ARHGAP15: variants seen among roughly 807,000 people sequenced by gnomAD.
ARHGAP15 encodes Rho GTPase activating protein 15, also known as rho GTPase-activating protein 15.
A neutral mutation model predicts 63.7 loss-of-function variants in ARHGAP15; 51 were observed. That is an observed-to-expected ratio of 0.80 (90% CI 0.64 to 1.01). The LOEUF (loss-of-function observed/expected upper bound fraction) is 1.01. ARHGAP15 is among the 50% of genes least tolerant of loss of function. ARHGAP15 has a pLI of 0.00. For missense variants in ARHGAP15, 560 were observed against 564.6 expected, an observed-to-expected ratio of 0.99 and a Z score of 0.08; for synonymous variants, 191 against 193.8, an observed-to-expected ratio of 0.99 and a Z score of 0.12.
Position 143,761,347 on chromosome 2 carries a change from C to T in ARHGAP15, c.1245-6642C>T, listed in dbSNP as rs1712956. On this transcript the variant is annotated intron_variant, in intron 13 of 13. Coordinates refer to ENST00000295095, the MANE Select transcript of ARHGAP15 (RefSeq NM_018460.4). ...ATTTACCACCACACTCTCCTTACTCCGTAAAACTATCCTAAAGTTATGTGT... is the reference window on the plus strand; with the variant it reads ...ATTTACCACCACACTCTCCTTACTCTGTAAAACTATCCTAAAGTTATGTGT... Among the ~76,000 whole-genome samples the T allele has an allele frequency of 7.1e-3, 1,087 of 152,302 alleles. 6 individuals are homozygous for T. Among genetic ancestry groups the T allele is most frequent in the Middle Eastern group, 0.02 (6 of 294 alleles).
intron 10 of ARHGAP15, among the ~76,000 whole-genome samples, chr2:143,542,475 G>T (rs995078188): frequency 6.6e-6 from 1 of 151,776 alleles, no homozygotes; most frequent in Non-Finnish European, 1.5e-5. Flanking sequence ...CACTCACACT[G>T]GTAGCTGTAG....
chr2:143,353,884 C>T (rs10496948), intron 6 of ARHGAP15, among the ~76,000 whole-genome samples: 9,531 of 152,138 alleles, frequency 0.063, 415 homozygotes, highest in Non-Finnish European at 0.094. Context: ...AAAAATGCTA[C>T]GGTAACAAAT....
intron 6 of ARHGAP15, among the ~76,000 whole-genome samples, chr2:143,365,529 C>T (rs947040671): frequency 2.0e-5 from 3 of 152,096 alleles, no homozygotes; most frequent in African/African-American, 7.2e-5. Flanking sequence ...TTTAAGCACT[C>T]GAAAATGTGC....
intron 12 of ARHGAP15, among the ~76,000 whole-genome samples, chr2:143,674,040 T>C (rs1440029775): frequency 1.3e-4 from 19 of 151,916 alleles, no homozygotes; most frequent in Admixed American, 2.0e-4. Context: ...CTCTTGTACA[T>C]TGCTGATGAG....
chr2:143,308,522 C>T (rs1042021101), intron 6 of ARHGAP15, among the ~76,000 whole-genome samples: 2 of 151,728 alleles, frequency 1.3e-5, no homozygotes, highest in African/African-American at 2.4e-5. Context: ...CAATACACTA[C>T]ACAGTGCCTA....
chr2:143,136,306 A>G (rs1186267425), intron 1 of ARHGAP15, among the ~76,000 whole-genome samples: 2 of 150,300 alleles, frequency 1.3e-5, no homozygotes, highest in African/African-American at 4.9e-5. Flanking sequence ...TTTTTTTTTC[A>G]GTCTAATACT....
intron 12 of ARHGAP15, among the ~76,000 whole-genome samples, chr2:143,686,329 A>G (rs1235163198): frequency 1.5e-5 from 2 of 135,226 alleles, no homozygotes; most frequent in Non-Finnish European, 3.1e-5. Flanking sequence ...GGTTGCAGGG[A>G]ACCAAGATTG....
chr2:143,603,825 G>A (rs1248430135), intron 11 of ARHGAP15, among the ~76,000 whole-genome samples: 1 of 152,124 alleles, frequency 6.6e-6, no homozygotes, highest in Non-Finnish European at 1.5e-5. Context: ...ATCCATATTA[G>A]CAGTTAACTT....
chr2:143,300,726 C>T (rs1010638824), intron 6 of ARHGAP15, among the ~76,000 whole-genome samples: 1 of 152,048 alleles, frequency 6.6e-6, no homozygotes, highest in East Asian at 1.9e-4. Flanking sequence ...CACATCTCAT[C>T]CCCTTACATT....
chr2:143,531,645 A>G (rs557654344), intron 10 of ARHGAP15, among the ~76,000 whole-genome samples: 91 of 152,354 alleles, frequency 6.0e-4, no homozygotes, highest in Non-Finnish European at 1.1e-3. Context: ...AAGGTAAGCC[A>G]GCATATGTTC....
Position 143,216,425 on chromosome 2 carries a change from A to G in ARHGAP15, c.276A>G (p.Ala92=). Residue 92 remains alanine (A), a synonymous_variant, in exon 4 of 14, where the codon GCA becomes GCG. Transcript: ENST00000295095. ...GTTATCTGCAAAAAGCTAAAATTGC[A>G]GATGGAGGAAAGAAACTAAGGTAAT... is the stretch of plus-strand genomic sequence containing the variant. ...KEGYLQKAKI[A]DGGKKLRKNW... The G allele has an allele frequency of 6.2e-7, 1 of 1,609,910 alleles. No homozygotes were observed. Among genetic ancestry groups the G allele is most frequent in the African/African-American group, 1.3e-5 (1 of 74,850 alleles).
At position 143,470,615 on chromosome 2, in the gene ARHGAP15, G is replaced by GTA. The variant is rs992605752; in HGVS notation, c.704-16749_704-16748dup. ...TATATGCATGTGTGTGTATATATGTGTATATATATACATATGTGTGTATAT... is the reference window on the plus strand; with the variant it reads ...TATATGCATGTGTGTGTATATATGTGTATATATATATACATATGTGTGTATAT... On this transcript the variant is annotated intron_variant, in intron 8 of 13. Transcript: ENST00000295095. Among the ~76,000 whole-genome samples the GTA allele has an allele frequency of 4.7e-5, 7 of 149,366 alleles. No homozygotes were observed. In the East Asian group the frequency reaches 5.9e-4, roughly 13 times the overall value.
chr2:143,747,894 A>C (rs1474202102), intron 13 of ARHGAP15, among the ~76,000 whole-genome samples: 1 of 145,732 alleles, frequency 6.9e-6, no homozygotes, highest in Non-Finnish European at 1.5e-5. Flanking sequence ...CAGAACACAT[A>C]TACTTTTTAC....
chr2:143,257,610 T>A (rs1398266704), intron 6 of ARHGAP15, among the ~76,000 whole-genome samples: 2 of 152,100 alleles, frequency 1.3e-5, no homozygotes, highest in African/African-American at 4.8e-5. Flanking sequence ...GTGAATCCCT[T>A]CCTCTCATGG....
chr2:143,330,120 A>AC lies in ARHGAP15; in HGVS notation c.474+79520_474+79521insC, dbSNP rs1684464760. ...AAAAAAAAAAAAAAAAAAAAAAAAA[A>AC]AAAAAAAAAAACCAAAAACAAAAAA... is the stretch of plus-strand genomic sequence containing the variant. On this transcript the variant is annotated intron_variant, in intron 6 of 13. Transcript: ENST00000295095. Among the ~76,000 whole-genome samples, 4 of 88,426 alleles carry AC rather than the reference A, an allele frequency of 4.5e-5. 1 individual carries two copies. The highest frequency in any genetic ancestry group is 4.6e-5 in the Non-Finnish European group (2 of 43,476). 58.0% of individuals were successfully genotyped at this position (88,426 alleles called of 152,430 possible).
intron 10 of ARHGAP15, among the ~76,000 whole-genome samples, chr2:143,524,081 C>G (rs565181562): frequency 7.9e-5 from 12 of 152,248 alleles, no homozygotes; most frequent in African/African-American, 2.9e-4. Context: ...ACATATTTGA[C>G]TTGGTGCCTA....
At chr2:143,544,832 T>C (rs941537597) in intron 10 of ARHGAP15, among the ~76,000 whole-genome samples, 1 of 152,206 alleles carries the variant, frequency 6.6e-6, no homozygotes, top group African/African-American at 2.4e-5. Context: ...GAACATGACC[T>C]AGTCCCACCT....
intron 13 of ARHGAP15, among the ~76,000 whole-genome samples, chr2:143,763,930 A>G (rs964939543): frequency 3.3e-5 from 5 of 151,360 alleles, no homozygotes; most frequent in African/African-American, 1.2e-4. Flanking sequence ...TAAAGTTACT[A>G]CAAGTAACTT....
At chr2:143,266,508 C>CT (rs1364664789) in intron 6 of ARHGAP15, among the ~76,000 whole-genome samples, 1 of 152,086 alleles carries the variant, frequency 6.6e-6, no homozygotes, top group Non-Finnish European at 1.5e-5. Flanking sequence ...AGGTAGATTG[C>CT]TTTTACAAAA....
Sources: allele counts gnomAD v4.1 joint callset (sites outside exome capture counted in the v4.1 genomes callset), GRCh38; gene constraint gnomAD v4.1.1; transcripts MANE v1.5; gene names NCBI Gene and HGNC (gene_info 2026-07-23, HGNC 2026-07-21).